The following COL25A1 variants were observed in gnomAD, a reference collection of about 807,000 sequenced individuals.
The protein encoded by COL25A1 is collagen alpha-1(XXV) chain.
A neutral mutation model predicts 128.4 loss-of-function variants in COL25A1; 103 were observed. That is an observed-to-expected ratio of 0.80 (90% CI 0.68 to 0.94). The LOEUF (loss-of-function observed/expected upper bound fraction) is 0.94, where lower values mean the gene tolerates loss of function less well. Ranked by LOEUF, COL25A1 falls within the 40% of genes least tolerant of loss-of-function variation. COL25A1 has a pLI of 0.00. For synonymous variants in COL25A1, 279 were observed against 277.2 expected, an observed-to-expected ratio of 1.01 and a Z score of -0.06; for missense variants, 745 against 840.0, an observed-to-expected ratio of 0.89 and a Z score of 1.40.
intron 6 of COL25A1, among the ~76,000 whole-genome samples, chr4:109,006,058 A>AGAT (rs1039503706): frequency 6.6e-6 from 1 of 152,216 alleles, no homozygotes; most frequent in African/African-American, 2.4e-5. Context: ...AAGAAAAAGA[A>AGAT]GATAATCAAA....
intron 8 of COL25A1, among the ~76,000 whole-genome samples, chr4:108,944,381 T>C (rs1340891581): frequency 6.6e-6 from 1 of 152,184 alleles, no homozygotes; most frequent in Non-Finnish European, 1.5e-5. Context: ...CCAGCATCTT[T>C]CCATCTGTGA....
At chr4:109,249,139 C>A (rs966414421) in intron 3 of COL25A1, among the ~76,000 whole-genome samples, 1 of 152,154 alleles carries the variant, frequency 6.6e-6, no homozygotes, top group Non-Finnish European at 1.5e-5. Flanking sequence ...AATACCAGCT[C>A]CTCTAGGAAG....
chr4:109,214,201 A>G (rs112884770), intron 3 of COL25A1, among the ~76,000 whole-genome samples: 3 of 152,126 alleles, frequency 2.0e-5, no homozygotes, highest in Non-Finnish European at 1.5e-5. Context: ...GTCCATTTTG[A>G]CCAATTTAAC....
rs76748636 is a variant in COL25A1 at position 109,218,722 on chromosome 4, C to T, written c.367+81861G>A. ...TCACTTCAAAAAACATAAAATTCAC[C>T]CTTTGAACACATCACATGTCCCTGA... is the stretch of plus-strand genomic sequence containing the variant. On this transcript the variant is annotated intron_variant, in intron 3 of 37. Transcript: ENST00000399132. 7.6e-3 allele frequency among the ~76,000 whole-genome samples: 1,153 copies of T among 151,960 alleles called. 57 individuals carry two copies. In the South Asian group the frequency reaches 0.14, roughly 18 times the overall value.
intron 5 of COL25A1, among the ~76,000 whole-genome samples, chr4:109,015,857 T>G (rs1290761648): frequency 6.6e-6 from 1 of 152,216 alleles, no homozygotes; most frequent in East Asian, 1.9e-4. Context: ...AAGAGCAATA[T>G]TAACTATTCT....
At chr4:109,036,785 G>C (rs1359641436) in intron 5 of COL25A1, among the ~76,000 whole-genome samples, 1 of 152,164 alleles carries the variant, frequency 6.6e-6, no homozygotes, top group Non-Finnish European at 1.5e-5. Context: ...TACCACAGAA[G>C]GGTGATAAAT....
At chr4:109,297,522 C>A (rs1243019980) in intron 3 of COL25A1, among the ~76,000 whole-genome samples, 1 of 151,818 alleles carries the variant, frequency 6.6e-6, no homozygotes, top group Admixed American at 6.6e-5. Context: ...ATATAAATAT[C>A]AAAAAAGAAC....
chr4:109,184,585 G>A (rs1774971097), intron 3 of COL25A1, among the ~76,000 whole-genome samples: 1 of 152,152 alleles, frequency 6.6e-6, no homozygotes, highest in African/African-American at 2.4e-5. Flanking sequence ...CAGTCTGAAA[G>A]AACTTCAAGT....
intron 3 of COL25A1, among the ~76,000 whole-genome samples, chr4:109,254,042 G>A (rs560259881): frequency 1.3e-4 from 19 of 149,790 alleles, no homozygotes; most frequent in African/African-American, 3.9e-4. Flanking sequence ...AGCCGAGATC[G>A]CACCACTGCA....
chr4:109,050,228 G>T, intron 3 of COL25A1, 49 bp from the exon 4 acceptor site: 2 of 1,446,274 alleles, frequency 1.4e-6, no homozygotes, highest in Non-Finnish European at 9.6e-7. Flanking sequence ...TCTTTTTCCT[G>T]GTTCCAAAAT....
At chr4:108,920,732 G>T in intron 11 of COL25A1, 128 bp from the exon 12 acceptor site, 1 of 475,448 alleles carries the variant, frequency 2.1e-6, no homozygotes, top group Non-Finnish European at 3.2e-6. Flanking sequence ...TCATATATCA[G>T]GAAAAAAAAA....
At chr4:108,882,267 T>G (rs1341177478) in intron 19 of COL25A1, among the ~76,000 whole-genome samples, 1 of 151,630 alleles carries the variant, frequency 6.6e-6, no homozygotes, top group Non-Finnish European at 1.5e-5. Context: ...TGCTTTTTTT[T>G]TTTTTGCCTT....
intron 3 of COL25A1, among the ~76,000 whole-genome samples, chr4:109,076,531 A>C (rs1299444247): frequency 6.6e-6 from 1 of 152,152 alleles, no homozygotes; most frequent in Non-Finnish European, 1.5e-5. Flanking sequence ...AGTACAGTAG[A>C]GCAGTGGTCC....
At chr4:109,162,131 A>T (rs999272767) in intron 3 of COL25A1, among the ~76,000 whole-genome samples, 1 of 152,222 alleles carries the variant, frequency 6.6e-6, no homozygotes, top group Non-Finnish European at 1.5e-5. Flanking sequence ...CAGTTGACAT[A>T]AATACAGGCA....
chr4:109,257,171 T>C (rs1157513030), intron 3 of COL25A1, among the ~76,000 whole-genome samples: 1 of 152,198 alleles, frequency 6.6e-6, no homozygotes, highest in South Asian at 2.1e-4. Flanking sequence ...ATGTAAGGGG[T>C]TTGGAAGATT....
intron 5 of COL25A1, among the ~76,000 whole-genome samples, chr4:109,036,462 G>C (rs1226698049): frequency 6.6e-6 from 1 of 152,168 alleles, no homozygotes; most frequent in Non-Finnish European, 1.5e-5. Context: ...GGCAACTCCT[G>C]ATCAGCTTTC....
At chr4:109,075,383 CAG>C (rs1763291643) in intron 3 of COL25A1, among the ~76,000 whole-genome samples, 1 of 151,570 alleles carries the variant, frequency 6.6e-6, no homozygotes, top group Non-Finnish European at 1.5e-5. Flanking sequence ...TATATACAAA[CAG>C]AGAAGAAATT....
chr4:109,008,148 ACAGGTCC>A (rs1406782496), intron 6 of COL25A1, among the ~76,000 whole-genome samples: 1 of 152,230 alleles, frequency 6.6e-6, no homozygotes, highest in Non-Finnish European at 1.5e-5. Flanking sequence ...GTGCTAGAAT[ACAGGTCC>A]CATATGTCCC....
chr4:109,192,441 T>G (rs1262940486), intron 3 of COL25A1, among the ~76,000 whole-genome samples: 1 of 151,938 alleles, frequency 6.6e-6, no homozygotes, highest in Non-Finnish European at 1.5e-5. Context: ...ATGTTGAAGT[T>G]CTAACCCTCA....
Sources: gnomAD v4.1 joint callset for allele counts (sites outside exome capture counted in the v4.1 genomes callset) on GRCh38, gnomAD v4.1.1 for gene constraint, MANE v1.5 for transcripts, NCBI Gene and HGNC (gene_info 2026-07-23, HGNC 2026-07-21) for gene names.